The following SAFB variants were observed in gnomAD, a reference collection of about 807,000 sequenced individuals.
SAFB encodes scaffold attachment factor B.
In SAFB, 15 loss-of-function variants were observed where a neutral mutation model predicts 101.6. That is an observed-to-expected ratio of 0.15 (90% CI 0.10 to 0.23). The LOEUF (loss-of-function observed/expected upper bound fraction) is 0.23. Among genes scored for constraint, SAFB ranks in the 10% least tolerant of loss-of-function variants. The pLI is 1.00. For synonymous variants in SAFB, 449 were observed against 407.5 expected, an observed-to-expected ratio of 1.10 and a Z score of -1.23; for missense variants, 930 against 1,104.1, an observed-to-expected ratio of 0.84 and a Z score of 2.23.
intron 17 of SAFB, chr19:5,666,645 T>C (rs2054332925): frequency 9.7e-6 from 2 of 205,780 alleles, no homozygotes; most frequent in Admixed American, 1.0e-4. Flanking sequence ...ACATTAAAGG[T>C]TTATAAACCT....
intron 2 of SAFB, among the ~76,000 whole-genome samples, chr19:5,629,256 A>G (rs1029726996): frequency 6.6e-6 from 1 of 152,198 alleles, no homozygotes; most frequent in Non-Finnish European, 1.5e-5. Context: ...TGTGTCTAGA[A>G]AAACAAAAAG....
chr19:5,626,882 A>G (rs1019069461), intron 2 of SAFB, among the ~76,000 whole-genome samples: 2 of 151,994 alleles, frequency 1.3e-5, no homozygotes, highest in African/African-American at 4.8e-5. Flanking sequence ...CCAGCTCTAC[A>G]AAAAAACTTT....
rs751761434 is a variant in SAFB, at chr19:5,642,068, G to A, written c.546+122G>A. ...GTAATGCCAGTTCAGTAGAATAAGGGTCAGTTGGTTCAGATGATTCTGAAC... is the reference window on the plus strand; with the variant it reads ...GTAATGCCAGTTCAGTAGAATAAGGATCAGTTGGTTCAGATGATTCTGAAC... On this transcript the variant is annotated intron_variant, in intron 4 of 20. Transcript: ENST00000588852. 29 of 807,184 alleles carry A rather than the reference G, an allele frequency of 3.6e-5. No homozygotes were observed. In the African/African-American group the frequency reaches 4.1e-4, roughly 11 times the overall value. 50.0% of individuals were successfully genotyped at this position (807,184 alleles called of 1,614,324 possible).
intron 2 of SAFB, among the ~76,000 whole-genome samples, chr19:5,638,263 T>C (rs750039904): frequency 1.8e-4 from 27 of 152,230 alleles, no homozygotes; most frequent in Non-Finnish European, 4.0e-4. Flanking sequence ...AGTATGAACC[T>C]AAGAAGGTAT....
At chr19:5,642,184 A>G in intron 4 of SAFB, 1 of 559,700 alleles carries the variant, frequency 1.8e-6, no homozygotes, top group Non-Finnish European at 3.3e-6. Context: ...TTTTGAGGAC[A>G]ACCATTCAGA....
At position 5,667,786 on chromosome 19, in the gene SAFB, A is replaced by G; in HGVS notation, c.2558-34A>G. 1 of 1,612,302 alleles carries G rather than the reference A, an allele frequency of 6.2e-7. No homozygotes were observed. The highest frequency in any genetic ancestry group is 1.3e-5 in the African/African-American group (1 of 74,996). ...GCCGTGGGTTCCACGCCGTGTGCGC[A>G]AGTTCCCTGTGTGAAAGCACGTCTG... is the stretch of plus-strand genomic sequence containing the variant. On this transcript the variant is annotated intron_variant, in intron 19 of 20. Coordinates refer to ENST00000588852, the MANE Select transcript of SAFB (RefSeq NM_001201338.2). The surrounding 1 kb of genome is among the most constrained non-coding windows in gnomAD (Gnocchi z 4.0).
At chr19:5,654,922 A>G (rs1466483270) in intron 13 of SAFB, among the ~76,000 whole-genome samples, 1 of 152,248 alleles carries the variant, frequency 6.6e-6, no homozygotes, top group Non-Finnish European at 1.5e-5. Context: ...TTTTGCTCTG[A>G]TAACTGTTAA....
chr19:5,653,517 A>C lies in SAFB; in HGVS notation c.1526+97A>C, dbSNP rs1293276378. 2.3e-5 allele frequency: 24 copies of C among 1,053,464 alleles called. No homozygotes were observed. In the Admixed American group the frequency reaches 4.6e-4, roughly 20 times the overall value. The allele number at this position is 1,053,464 out of a possible 1,614,324, so 65.3% of individuals were successfully genotyped here. ...AGTCGCGCTCTGTCGCCCAGACTGG[A>C]GTGCAGTGGTGTGATCTCGGCTCAC... On this transcript the variant is annotated intron_variant, in intron 11 of 20. Transcript: ENST00000588852.
At chr19:5,664,333 T>C in intron 16 of SAFB, 64 bp from the exon 17 acceptor site, 1 of 1,501,968 alleles carries the variant, frequency 6.7e-7, no homozygotes, top group Non-Finnish European at 9.3e-7. Flanking sequence ...GGGGGCCTGA[T>C]GGTCCTCTCT....
intron 2 of SAFB, among the ~76,000 whole-genome samples, chr19:5,635,591 T>G (rs1408171219): frequency 6.6e-6 from 1 of 152,120 alleles, no homozygotes; most frequent in Non-Finnish European, 1.5e-5. Context: ...ATTAGGGAAG[T>G]GTGTTTGTGT....
chr19:5,649,974 G>A lies in SAFB; in HGVS notation c.1197G>A (p.Lys399=), dbSNP rs763805843. 75 of 1,613,502 alleles carry A rather than the reference G, an allele frequency of 4.6e-5. No individual in the cohort carries two copies. The highest frequency in any genetic ancestry group is 5.8e-5 in the Non-Finnish European group (69 of 1,179,528). Reference sequence around the variant, plus strand: ...CAAAAAGGCTTTCCAAAGAGGAAAAGGGTAGGTCACCTCGGCGACACCAGT... The same window carrying A: ...CAAAAAGGCTTTCCAAAGAGGAAAAAGGTAGGTCACCTCGGCGACACCAGT... ...SDTKRLSKEE[K]GRSSCGRNFW... Residue 399 remains lysine, a splice_region_variant and synonymous_variant, in exon 8 of 21, where the codon AAG becomes AAA. Transcript: ENST00000588852.
In SAFB at chr19:5,664,404, G is replaced by A; in HGVS notation, c.2299G>A (p.Gly767Ser). The A allele has an allele frequency of 6.2e-7, 1 of 1,613,492 alleles. No individual in the cohort carries two copies. The highest frequency in any genetic ancestry group is 1.3e-5 in the African/African-American group (1 of 75,028). Reference sequence around the variant, plus strand: ...TTTAAATTGCCTTTTCAGGAGAGAAGGTTCAAGGTCAATGATGGGAGAACG... The same window carrying A: ...TTTAAATTGCCTTTTCAGGAGAGAAAGTTCAAGGTCAATGATGGGAGAACG... ...YPDHSVDRRE[G>S]SRSMMGEREG... The change falls in exon 17 of 21, where the codon GGT becomes AGT. Residue 767 changes from glycine (G) to serine (S), a missense_variant. Gly to Ser is a moderately conservative substitution (Grantham distance 56, BLOSUM62 0). This residue lies in a region of SAFB where 318 missense variants were observed against 342.6 expected (regional missense o/e 0.93). Transcript: ENST00000588852.
chr19:5,666,159 T>G (rs1394357526), intron 17 of SAFB: 2 of 152,074 alleles, frequency 1.3e-5, no homozygotes, highest in Non-Finnish European at 2.9e-5. Flanking sequence ...TATGTATTGG[T>G]GGAAAGAGAA....
intron 1 of SAFB, chr19:5,623,886 G>A (rs886775586): frequency 6.5e-6 from 1 of 153,608 alleles, no homozygotes. Flanking sequence ...AGCCTGAATC[G>A]GGGCTGATTT....
At chr19:5,638,625 A>G (rs1168065941) in intron 2 of SAFB, among the ~76,000 whole-genome samples, 1 of 150,476 alleles carries the variant, frequency 6.6e-6, no homozygotes, top group Non-Finnish European at 1.5e-5. Context: ...GCCCAGCCTA[A>G]AATTACTAAA....
chr19:5,658,196 C>T (rs2054108268), intron 14 of SAFB, among the ~76,000 whole-genome samples: 1 of 151,930 alleles, frequency 6.6e-6, no homozygotes. Context: ...TGGGGTTTGG[C>T]CATGTTGGCC....
intron 9 of SAFB, among the ~76,000 whole-genome samples, chr19:5,652,561 G>A (rs17205911): frequency 1.3e-5 from 2 of 152,120 alleles, no homozygotes; most frequent in Non-Finnish European, 2.9e-5. Context: ...CCGTCAAAGG[G>A]CGACCCTAAC....
chr19:5,665,885 TCTTA>T (rs1381392995), intron 17 of SAFB: 3 of 152,212 alleles, frequency 2.0e-5, no homozygotes, highest in African/African-American at 4.8e-5. Context: ...GAGTCCCTTT[TCTTA>T]CTTTGTTGAG....
chr19:5,629,305 C>A (rs548349728), intron 2 of SAFB, among the ~76,000 whole-genome samples: 1 of 152,150 alleles, frequency 6.6e-6, no homozygotes, highest in Non-Finnish European at 1.5e-5. Flanking sequence ...GTGGCACACA[C>A]CTGTAGTCCC....
Sources: allele counts gnomAD v4.1 joint callset (sites outside exome capture counted in the v4.1 genomes callset), GRCh38; gene constraint gnomAD v4.1.1; regional missense constraint gnomAD v4.1.1; non-coding constraint Gnocchi (gnomAD v3.1); transcripts MANE v1.5; gene names NCBI Gene and HGNC (gene_info 2026-07-23, HGNC 2026-07-21).